The following SLC35D4 variants were observed in gnomAD, a reference collection of about 807,000 sequenced individuals.
SLC35D4 encodes UDP-N-acetylglucosamine transporter SLC35D4.
the SLC35D4 span, among the ~76,000 whole-genome samples, chr18:23,245,462 A>G: frequency 6.6e-6 from 1 of 150,676 alleles, no homozygotes; most frequent in Non-Finnish European, 1.5e-5. Context: ...AGTGAGTGCC[A>G]CTGTACTCCA....
At chr18:23,269,954 C>T in the SLC35D4 span, among the ~76,000 whole-genome samples, 308 of 152,302 alleles carry the variant, frequency 2.0e-3, no homozygotes, top group Non-Finnish European at 3.8e-3. Context: ...AAAGAAAACC[C>T]CATTTTCTGG....
At chr18:23,269,547 C>A in the SLC35D4 span, among the ~76,000 whole-genome samples, 21 of 152,034 alleles carry the variant, frequency 1.4e-4, no homozygotes, top group Non-Finnish European at 2.8e-4. Context: ...ATTAAGATAC[C>A]GAAAAATGTG....
At chr18:23,308,364 G>A in the SLC35D4 span, among the ~76,000 whole-genome samples, 302 of 152,238 alleles carry the variant, frequency 2.0e-3, 1 homozygote, top group African/African-American at 7.0e-3. Context: ...GGTCCAACAG[G>A]CACCTCAGCC....
chr18:23,416,165 C>G, the SLC35D4 span, among the ~76,000 whole-genome samples: 1 of 152,182 alleles, frequency 6.6e-6, no homozygotes, highest in African/African-American at 2.4e-5. Context: ...GAGCCGAGAT[C>G]GTGCCATTGC....
chr18:23,279,329 CA>C, the SLC35D4 span, among the ~76,000 whole-genome samples: 1 of 152,198 alleles, frequency 6.6e-6, no homozygotes, highest in African/African-American at 2.4e-5. Context: ...TATATCTCAT[CA>C]GTCAGAACTT....
chr18:23,343,142 C>T, the SLC35D4 span, among the ~76,000 whole-genome samples: 3 of 152,102 alleles, frequency 2.0e-5, no homozygotes, highest in South Asian at 2.1e-4. Flanking sequence ...AGGCTGGTGT[C>T]GAACTCCTGA....
the SLC35D4 span, among the ~76,000 whole-genome samples, chr18:23,283,471 CA>C: frequency 0.16 from 7,015 of 44,478 alleles, 52 homozygotes; most frequent in Middle Eastern, 0.23. Context: ...GACCCAGTCT[CA>C]AAAAAAAAAA....
chr18:23,358,086 G>T, the SLC35D4 span, among the ~76,000 whole-genome samples: 1 of 152,170 alleles, frequency 6.6e-6, no homozygotes, highest in Non-Finnish European at 1.5e-5. Flanking sequence ...CTAGAGAGTG[G>T]CCAGAGCCCT....
the SLC35D4 span, among the ~76,000 whole-genome samples, chr18:23,410,048 C>A: frequency 1.3e-5 from 2 of 152,114 alleles, no homozygotes; most frequent in South Asian, 4.1e-4. Flanking sequence ...GGAACTTAAG[C>A]ACCTGGAAAT....
At chr18:23,362,092 T>C in the SLC35D4 span, among the ~76,000 whole-genome samples, 1 of 152,194 alleles carries the variant, frequency 6.6e-6, no homozygotes, top group Non-Finnish European at 1.5e-5. Context: ...CAGGGAGTAA[T>C]TAAGTGTCCA....
At chr18:23,405,637 C>T in the SLC35D4 span, among the ~76,000 whole-genome samples, 1 of 152,164 alleles carries the variant, frequency 6.6e-6, no homozygotes, top group Non-Finnish European at 1.5e-5. Flanking sequence ...CTTAATATGA[C>T]AGACCAAGTC....
At chr18:23,322,759 A>T in the SLC35D4 span, among the ~76,000 whole-genome samples, 1 of 152,248 alleles carries the variant, frequency 6.6e-6, no homozygotes, top group Non-Finnish European at 1.5e-5. Flanking sequence ...TTTTACAAGT[A>T]GTAATAAAAG....
the SLC35D4 span, among the ~76,000 whole-genome samples, chr18:23,380,911 C>A: frequency 5.3e-5 from 8 of 152,034 alleles, no homozygotes; most frequent in Non-Finnish European, 2.9e-5. Flanking sequence ...AATGAAGTCA[C>A]AAGGAGGTCA....
chr18:23,423,941 T>C, the SLC35D4 span, among the ~76,000 whole-genome samples: 5 of 152,010 alleles, frequency 3.3e-5, no homozygotes, highest in Non-Finnish European at 7.4e-5. Context: ...ACGTCAATCA[T>C]AAGGAGCTGG....
the SLC35D4 span, among the ~76,000 whole-genome samples, chr18:23,348,589 A>T: frequency 6.6e-6 from 1 of 151,856 alleles, no homozygotes; most frequent in African/African-American, 2.4e-5. Context: ...AAATGTCCCT[A>T]TTTTTTCTCT....
chr18:23,400,015 A>C, the SLC35D4 span, among the ~76,000 whole-genome samples: 1 of 152,218 alleles, frequency 6.6e-6, no homozygotes, highest in African/African-American at 2.4e-5. Context: ...AAAAATTGAA[A>C]AGGTTATTTA....
the SLC35D4 span, among the ~76,000 whole-genome samples, chr18:23,251,224 AG>A: frequency 6.6e-6 from 1 of 152,224 alleles, no homozygotes; most frequent in Non-Finnish European, 1.5e-5. Flanking sequence ...AGGCAGAGGC[AG>A]GTGGATCACC....
the SLC35D4 span, among the ~76,000 whole-genome samples, chr18:23,326,784 T>C: frequency 6.6e-6 from 1 of 152,190 alleles, no homozygotes; most frequent in Non-Finnish European, 1.5e-5. Context: ...TATTCTAAAA[T>C]TGATCACATA....
At chr18:23,280,505 A>G in the SLC35D4 span, among the ~76,000 whole-genome samples, 1 of 152,354 alleles carries the variant, frequency 6.6e-6, no homozygotes, top group East Asian at 1.9e-4. Context: ...ACGCTTCCCT[A>G]GAGTGGATAT....
Sources: allele counts gnomAD v4.1 joint callset (sites outside exome capture counted in the v4.1 genomes callset), GRCh38; gene constraint gnomAD v4.1.1; transcripts MANE v1.5; gene names NCBI Gene and HGNC (gene_info 2026-07-23, HGNC 2026-07-21).